LMBRD1: variants seen among roughly 807,000 people sequenced by gnomAD.
The protein encoded by LMBRD1 is LMBR1 domain containing 1, also known as lysosomal cobalamin transport escort protein LMBD1.
Under a neutral mutation model 74.8 loss-of-function variants are expected in LMBRD1, and 64 were observed. The ratio of observed to expected loss-of-function variants is 0.86; its 90% CI spans 0.70 to 1.05. The LOEUF (loss-of-function observed/expected upper bound fraction) is 1.05, where lower values mean the gene tolerates loss of function less well. Among genes scored for constraint, LMBRD1 ranks in the 50% least tolerant of loss-of-function variants. LMBRD1 has a pLI of 0.00. For synonymous variants in LMBRD1, 204 were observed against 216.3 expected, an observed-to-expected ratio of 0.94 and a Z score of 0.50; for missense variants, 652 against 645.9, an observed-to-expected ratio of 1.01 and a Z score of -0.10.
At chr6:69,793,968 C>A (rs187458648) in intron 1 of LMBRD1, among the ~76,000 whole-genome samples, 17 of 152,170 alleles carry the variant, frequency 1.1e-4, no homozygotes, top group Admixed American at 5.2e-4. Flanking sequence ...GATCCACCTG[C>A]CTCAGCCTCC....
intron 14 of LMBRD1, among the ~76,000 whole-genome samples, chr6:69,680,600 G>C (rs1473099285): frequency 6.6e-6 from 1 of 152,014 alleles, no homozygotes; most frequent in African/African-American, 2.4e-5. Flanking sequence ...TTAAAAGGTT[G>C]TGGACTTTGA....
intron 4 of LMBRD1, among the ~76,000 whole-genome samples, chr6:69,750,785 A>T (rs1198159274): frequency 6.6e-6 from 1 of 152,152 alleles, no homozygotes; most frequent in East Asian, 1.9e-4. Flanking sequence ...AGAGTAAAAT[A>T]GTATCTGCAA....
intron 2 of LMBRD1, among the ~76,000 whole-genome samples, chr6:69,784,318 G>T (rs1036176464): frequency 6.6e-6 from 1 of 152,172 alleles, no homozygotes; most frequent in African/African-American, 2.4e-5. Flanking sequence ...GAATGTAATT[G>T]GTCGCATATG....
chr6:69,741,725 T>A, intron 6 of LMBRD1, 64 bp downstream of exon 6: 1 of 992,330 alleles, frequency 1.0e-6, no homozygotes, highest in Non-Finnish European at 1.6e-6. Context: ...ATAAACTGCT[T>A]CTCAAAAGTC....
intron 2 of LMBRD1, among the ~76,000 whole-genome samples, chr6:69,784,277 A>G (rs992671127): frequency 3.9e-5 from 6 of 152,258 alleles, no homozygotes; most frequent in Non-Finnish European, 7.3e-5. Flanking sequence ...AGAATATTTC[A>G]GAAGACAAGG....
rs191396191 is a variant in LMBRD1, at chr6:69,744,536, A to G, written c.474-2659T>C. 1.1e-4 allele frequency among the ~76,000 whole-genome samples: 17 copies of G among 152,344 alleles called. No homozygotes were observed. The East Asian group carries it at 2.3e-3, about 21-fold the overall frequency. ...GATTCACTGAATTAACTTCACACAC[A>G]TTATCTCTTCAGAAACAGACAAAGG... is the stretch of plus-strand genomic sequence containing the variant. On this transcript the variant is annotated intron_variant, in intron 5 of 15. Transcript: ENST00000649934.
At chr6:69,722,430 G>A (rs1356235388) in intron 7 of LMBRD1, among the ~76,000 whole-genome samples, 2 of 150,106 alleles carry the variant, frequency 1.3e-5, no homozygotes, top group African/African-American at 4.9e-5. Context: ...AACTAGTCTT[G>A]TCTTAAGTAG....
chr6:69,674,451 T>C lies in LMBRD1; in HGVS notation c.*1707A>G, dbSNP rs1317006955. Among the ~76,000 whole-genome samples the C allele has an allele frequency of 6.6e-6, 1 of 152,074 alleles. No homozygotes were observed. The highest frequency in any genetic ancestry group is 1.5e-5 in the Non-Finnish European group (1 of 68,014). On this transcript the variant is annotated 3_prime_UTR_variant, in exon 16 of 16. Transcript: ENST00000649934. ...ATGAGTCAGTTATACAGAAGAGATA[T>C]GGAGATCTACCTGATTCTTTGTTTA...
intron 5 of LMBRD1, chr6:69,745,834 A>G (rs1401547169): frequency 6.5e-6 from 1 of 154,014 alleles, no homozygotes; most frequent in African/African-American, 2.4e-5. Context: ...AGAAAGCCTC[A>G]TCTTCTCAGC....
intron 9 of LMBRD1, among the ~76,000 whole-genome samples, chr6:69,702,299 AC>A (rs1766151399): frequency 6.6e-6 from 1 of 151,962 alleles, no homozygotes; most frequent in African/African-American, 2.4e-5. Context: ...ACACACACAC[AC>A]ACACACCCCA....
At chr6:69,729,246 TGTTAATGCCCTTCAGGTCTCG>T (rs1444131143) in intron 7 of LMBRD1, among the ~76,000 whole-genome samples, 2 of 148,688 alleles carry the variant, frequency 1.3e-5, no homozygotes, top group African/African-American at 5.0e-5. Flanking sequence ...CATTAACAAC[TGTTAATGCCCTTCAGGTCTCG>T]GTTTAATTAC....
At chr6:69,699,374 C>G (rs1039027795) in intron 12 of LMBRD1, among the ~76,000 whole-genome samples, 182 bp from the exon 13 acceptor site, 8 of 151,720 alleles carry the variant, frequency 5.3e-5, no homozygotes, top group Non-Finnish European at 8.9e-5. Context: ...TGGTCTATTT[C>G]CAGAGAAATC....
At chr6:69,779,586 T>A (rs1765782266) in intron 3 of LMBRD1, among the ~76,000 whole-genome samples, 1 of 152,044 alleles carries the variant, frequency 6.6e-6, no homozygotes, top group Non-Finnish European at 1.5e-5. Flanking sequence ...TAGAAAAAAT[T>A]TTTAGAAAAT....
intron 3 of LMBRD1, among the ~76,000 whole-genome samples, chr6:69,771,745 A>C (rs1375834743): frequency 6.6e-6 from 1 of 152,172 alleles, no homozygotes; most frequent in Non-Finnish European, 1.5e-5. Context: ...TGAGCAGATA[A>C]GGAAAAGACG....
At chr6:69,694,864 T>G (rs1765959469) in intron 14 of LMBRD1, among the ~76,000 whole-genome samples, 1 of 152,198 alleles carries the variant, frequency 6.6e-6, no homozygotes, top group African/African-American at 2.4e-5. Flanking sequence ...TACCTTCAGT[T>G]AGATCCTTTC....
chr6:69,685,818 A>G (rs1215654910), intron 14 of LMBRD1, among the ~76,000 whole-genome samples: 1 of 152,066 alleles, frequency 6.6e-6, no homozygotes, highest in East Asian at 1.9e-4. Flanking sequence ...ACAAACAAAC[A>G]AAAACACACA....
intron 9 of LMBRD1, among the ~76,000 whole-genome samples, chr6:69,707,018 G>A (rs1030511531): frequency 2.6e-5 from 4 of 152,066 alleles, no homozygotes; most frequent in Non-Finnish European, 4.4e-5. Flanking sequence ...GGAGACTCTG[G>A]GAAAGAAATA....
At chr6:69,786,376 C>T (rs1336946083) in intron 2 of LMBRD1, among the ~76,000 whole-genome samples, 1 of 151,976 alleles carries the variant, frequency 6.6e-6, no homozygotes, top group East Asian at 1.9e-4. Context: ...AAGATATGAA[C>T]AAACACCAAA....
intron 1 of LMBRD1, among the ~76,000 whole-genome samples, chr6:69,793,302 G>C (rs11970647): frequency 0.11 from 17,459 of 152,164 alleles, 2,816 homozygotes; most frequent in African/African-American, 0.36. Flanking sequence ...GCAAACCACT[G>C]GGGCAGAAGA....
Sources: gnomAD v4.1 joint callset for allele counts (sites outside exome capture counted in the v4.1 genomes callset) on GRCh38, gnomAD v4.1.1 for gene constraint, MANE v1.5 for transcripts, NCBI Gene and HGNC (gene_info 2026-07-23, HGNC 2026-07-21) for gene names.